STAG2: variants seen among roughly 807,000 people sequenced by gnomAD.
STAG2 encodes the protein cohesin subunit SA-2.
In STAG2, 14 loss-of-function variants were observed where a neutral mutation model predicts 108.1. The observed-to-expected ratio is 0.13, with a 90% CI of 0.09 to 0.20. STAG2 has a LOEUF of 0.20. Among genes scored for constraint, STAG2 ranks in the 10% least tolerant of loss-of-function variants. The pLI is 1.00. For synonymous variants in STAG2, 307 were observed against 302.7 expected, an observed-to-expected ratio of 1.01 and a Z score of -0.15; for missense variants, 440 against 940.9, an observed-to-expected ratio of 0.47 and a Z score of 6.96.
At chrX:124,080,660 C>T (rs953327547) in intron 27 of STAG2, among the ~76,000 whole-genome samples, 1 of 109,730 alleles carries the variant, frequency 9.1e-6, no homozygotes. Context: ...TGCACTCCAG[C>T]CTGGGTGATA....
intron 16 of STAG2, 96 bp from the exon 17 acceptor site, chrX:124,061,675 C>T: frequency 1.6e-6 from 1 of 640,020 alleles, no homozygotes; most frequent in Admixed American, 4.7e-5. Context: ...TGTTTACAGG[C>T]AGAAGAAACT....
intron 6 of STAG2, among the ~76,000 whole-genome samples, 154 bp downstream of exon 6, chrX:124,037,777 A>G (rs1441183605): frequency 8.9e-6 from 1 of 112,878 alleles, no homozygotes; most frequent in Non-Finnish European, 1.9e-5. Flanking sequence ...AGAGCAAAGG[A>G]CAAAGTAAGA....
intron 1 of STAG2, among the ~76,000 whole-genome samples, chrX:124,013,307 GCACACACACACACACAAACACACA>G (rs1569502938): frequency 3.1e-5 from 3 of 97,795 alleles, no homozygotes; most frequent in Non-Finnish European, 6.2e-5. Flanking sequence ...GTATACACAT[GCACACACACACACACAAACACACA>G]CACACACACA....
At chrX:124,086,514 T>C (rs2148463939) in intron 29 of STAG2, 33 bp from the exon 30 acceptor site, 1 of 1,103,905 alleles carries the variant, frequency 9.1e-7, no homozygotes, top group African/African-American at 1.8e-5. Flanking sequence ...CAGATTTCTG[T>C]ATCAAAGCTA....
chrX:124,096,605 G>A (rs1174366996), intron 34 of STAG2, among the ~76,000 whole-genome samples: 1 of 111,637 alleles, frequency 9.0e-6, no homozygotes, highest in Admixed American at 9.6e-5. Context: ...CAGTGATGAT[G>A]TTATTCATTC....
chrX:124,042,718 A>G, intron 7 of STAG2, 73 bp downstream of exon 7: 1 of 782,934 alleles, frequency 1.3e-6, no homozygotes, highest in Middle Eastern at 3.2e-4. Context: ...GTATTATTAA[A>G]TTGTAAGCAT....
chrX:124,045,246 T>C lies in STAG2; in HGVS notation c.545T>C (p.Leu182Ser), dbSNP rs1603011732. ...KSSFCEFIGV[L>S]VRQCQYSIIY... Reference sequence around the variant, plus strand: ...AGTTTTTGTGAATTCATTGGCGTGTTAGTACGGCAATGTCAATATAGTATC... The same window carrying C: ...AGTTTTTGTGAATTCATTGGCGTGTCAGTACGGCAATGTCAATATAGTATC... The change falls in exon 8 of 35, where the codon TTA (leucine) becomes TCA (serine). Residue 182 changes from leucine (L) to serine (S), a missense_variant. Physicochemically the swap from Leu to Ser is moderately radical, Grantham distance 145. This residue lies in a region of STAG2 where 69 missense variants were observed against 254.9 expected (regional missense o/e 0.27). Transcript: ENST00000371145. 8.3e-7 allele frequency: 1 copy of C among 1,208,894 alleles called. No homozygotes were observed. Among genetic ancestry groups the C allele is most frequent in the Non-Finnish European group, 1.1e-6 (1 of 894,589 alleles).
intron 1 of STAG2, among the ~76,000 whole-genome samples, chrX:124,020,336 A>C (rs1466615193): frequency 8.9e-6 from 1 of 112,298 alleles, no homozygotes; most frequent in East Asian, 2.8e-4. Context: ...TCAGAGACGC[A>C]GACAGATACA....
At chrX:123,966,375 T>C (rs1444546398) in intron 1 of STAG2, among the ~76,000 whole-genome samples, 2 of 109,224 alleles carry the variant, frequency 1.8e-5, no homozygotes, top group Non-Finnish European at 3.8e-5. Context: ...GGCAGGAGAA[T>C]CGCTTGAACC....
intron 1 of STAG2, among the ~76,000 whole-genome samples, chrX:123,966,417 G>T (rs937740832): frequency 9.1e-6 from 1 of 109,312 alleles, no homozygotes; most frequent in Non-Finnish European, 1.9e-5. Flanking sequence ...AGCTGAGATC[G>T]CGCCACTGCA....
chrX:124,084,062 G>A (rs1044569662), intron 29 of STAG2, among the ~76,000 whole-genome samples: 1 of 111,781 alleles, frequency 8.9e-6, no homozygotes, highest in Non-Finnish European at 1.9e-5. Context: ...CAATAATAGT[G>A]ACTTATAAAA....
rs150176672 is a variant in STAG2 at position 124,054,549 on chromosome X, A to G, written c.1197-1579A>G. On this transcript the variant is annotated intron_variant, in intron 13 of 34. Transcript: ENST00000371145. Reference sequence around the variant, plus strand: ...GAAATAAAGTAACAGTATGCTACATATATTTCTATAGCTTCTTTCCCACCA... The same window carrying G: ...GAAATAAAGTAACAGTATGCTACATGTATTTCTATAGCTTCTTTCCCACCA... Among the ~76,000 whole-genome samples the G allele has an allele frequency of 3.9e-3, 439 of 112,146 alleles. 1 individual carries two copies. The highest frequency in any genetic ancestry group is 0.013 in the African/African-American group (409 of 30,905).
At chrX:124,005,156 T>C (rs1165632512) in intron 1 of STAG2, among the ~76,000 whole-genome samples, 1 of 112,277 alleles carries the variant, frequency 8.9e-6, no homozygotes, top group African/African-American at 3.2e-5. Flanking sequence ...GTATTTTTTT[T>C]ATTGTTGTTA....
intron 1 of STAG2, among the ~76,000 whole-genome samples, chrX:123,983,964 C>A (rs866228809): frequency 1.4e-3 from 95 of 69,555 alleles, no homozygotes; most frequent in Non-Finnish European, 2.3e-3. Context: ...GAATAATTTT[C>A]TTTTCTTTTC....
chrX:124,056,731 TAAAAAAAAAAAA>T (rs771229412), intron 14 of STAG2, among the ~76,000 whole-genome samples: 4 of 42,381 alleles, frequency 9.4e-5, no homozygotes, highest in Non-Finnish European at 1.2e-4. Flanking sequence ...AGACTCCATC[TAAAAAAAAAAAA>T]AAAAAAAAAA....
intron 1 of STAG2, among the ~76,000 whole-genome samples, chrX:123,972,699 T>G (rs2054413327): frequency 9.3e-6 from 1 of 107,444 alleles, no homozygotes; most frequent in African/African-American, 3.4e-5. Flanking sequence ...GACAAAAGGT[T>G]ATTTTGAGGA....
At chrX:124,040,203 A>G (rs2057663458) in intron 6 of STAG2, among the ~76,000 whole-genome samples, 1 of 111,244 alleles carries the variant, frequency 9.0e-6, no homozygotes, top group Non-Finnish European at 1.9e-5. Flanking sequence ...AGCATCAGTT[A>G]TTTTTTCTAC....
intron 2 of STAG2, 50 bp from the exon 3 acceptor site, chrX:124,022,481 C>T (rs947508404): frequency 8.9e-6 from 4 of 448,722 alleles, no homozygotes; most frequent in Non-Finnish European, 1.5e-5. Flanking sequence ...ATATCCTTTC[C>T]GAATATTTTT....
chrX:124,014,934 A>G lies in STAG2; in HGVS notation c.-162-6433A>G, dbSNP rs145557824. Among the ~76,000 whole-genome samples, 817 of 102,113 alleles carry G rather than the reference A, an allele frequency of 8.0e-3. 13 individuals carry two copies. Among genetic ancestry groups the G allele is most frequent in the African/African-American group, 0.028 (764 of 27,416 alleles). 88.7% of individuals were successfully genotyped at this position (102,113 alleles called of 115,157 possible). ...GAAACTTTTAGGTTAAGATTTTACTACTGGGCTGAGTACACATGATCATTG... is the reference window on the plus strand; with the variant it reads ...GAAACTTTTAGGTTAAGATTTTACTGCTGGGCTGAGTACACATGATCATTG... On this transcript the variant is annotated intron_variant, in intron 1 of 34. Transcript: ENST00000371145.
Sources: gnomAD v4.1 joint callset for allele counts (sites outside exome capture counted in the v4.1 genomes callset) on GRCh38, gnomAD v4.1.1 for gene constraint, gnomAD v4.1.1 regional missense constraint, MANE v1.5 for transcripts, NCBI Gene and HGNC (gene_info 2026-07-23, HGNC 2026-07-21) for gene names.